The following ITGA3 variants were observed in gnomAD, a reference collection of about 807,000 sequenced individuals.
ITGA3 encodes integrin alpha-3.
Under a neutral mutation model 131.1 loss-of-function variants are expected in ITGA3, and 70 were observed. The observed-to-expected ratio is 0.53, with a 90% CI of 0.44 to 0.65. ITGA3 has a LOEUF of 0.65. Among genes scored for constraint, ITGA3 ranks in the 30% least tolerant of loss-of-function variants. The pLI is 0.00. For missense variants in ITGA3, 1,098 were observed against 1,388.6 expected (o/e 0.79, Z 3.33); for synonymous variants, 537 against 571.6 (o/e 0.94, Z 0.86).
intron 1 of ITGA3, among the ~76,000 whole-genome samples, chr17:50,059,708 G>T (rs1907987660): frequency 6.6e-6 from 1 of 152,204 alleles, no homozygotes; most frequent in Admixed American, 6.5e-5. Flanking sequence ...AGCGAAGGGG[G>T]CTTGGTCAGA....
At chr17:50,061,854 A>G (rs866673378) in intron 1 of ITGA3, among the ~76,000 whole-genome samples, 100 of 152,224 alleles carry the variant, frequency 6.6e-4, no homozygotes, top group African/African-American at 1.5e-3. Flanking sequence ...AGCCTGGCCA[A>G]TATGGCGAAA....
chr17:50,072,762 G>T (rs184784886), intron 7 of ITGA3, among the ~76,000 whole-genome samples: 172 of 152,244 alleles, frequency 1.1e-3, no homozygotes, highest in African/African-American at 4.0e-3. Context: ...TTAAGATCAA[G>T]AATGTAATAT....
chr17:50,074,809 T>A (rs1176357737), intron 10 of ITGA3, among the ~76,000 whole-genome samples: 3 of 152,154 alleles, frequency 2.0e-5, no homozygotes, highest in African/African-American at 7.2e-5. Flanking sequence ...GGGGTGGGGA[T>A]GGGCTCTGGA....
intron 18 of ITGA3, 92 bp from the exon 19 acceptor site, chr17:50,078,732 G>A (rs1909040026): frequency 4.1e-6 from 3 of 726,858 alleles, no homozygotes; most frequent in East Asian, 4.9e-5. Flanking sequence ...GATGTCAGAG[G>A]GGCTATAGTT....
In ITGA3 at chr17:50,080,275, G is replaced by C; in HGVS notation, c.2720G>C (p.Gly907Ala). 1 of 1,610,750 alleles carries C rather than the reference G, an allele frequency of 6.2e-7. No homozygotes were observed. Among genetic ancestry groups the C allele is most frequent in the Non-Finnish European group, 8.5e-7 (1 of 1,177,694 alleles). The change falls in exon 22 of 26, where the codon GGG (glycine) becomes GCG (alanine). Residue 907 changes from glycine to alanine, a missense_variant. Gly to Ala is a moderately conservative substitution (Grantham distance 60). This residue lies in a region of ITGA3 where 699 missense variants were observed against 829.2 expected (regional missense o/e 0.84). Transcript: ENST00000320031. ...TGCCCGCCTCAGACCTGTGCCACAG[G>C]GCGTGCCCACTGTGTGTGGCTAGAG... is the stretch of plus-strand genomic sequence containing the variant. ...KSETVLTCATGRAHCVWLECP... is the reference protein window; with the variant it reads ...KSETVLTCATARAHCVWLECP...
intron 1 of ITGA3, among the ~76,000 whole-genome samples, chr17:50,057,176 G>A (rs751457089): frequency 2.6e-5 from 4 of 152,190 alleles, no homozygotes; most frequent in Non-Finnish European, 5.9e-5. Context: ...GGTGAGTCTG[G>A]GCGTTTGGAG....
chr17:50,057,270 C>T (rs1403387180), intron 1 of ITGA3, among the ~76,000 whole-genome samples: 2 of 152,156 alleles, frequency 1.3e-5, no homozygotes, highest in African/African-American at 4.8e-5. Flanking sequence ...GCTGGGTCTC[C>T]TCCTGCCCAC....
At chr17:50,069,684 C>T (rs1466449266) in intron 4 of ITGA3, among the ~76,000 whole-genome samples, 7 of 152,004 alleles carry the variant, frequency 4.6e-5, no homozygotes, top group South Asian at 2.1e-4. Context: ...AAATAAATAT[C>T]GCTACTTTCT....
intron 7 of ITGA3, 104 bp downstream of exon 7, chr17:50,072,286 C>A: frequency 9.7e-7 from 1 of 1,028,406 alleles, no homozygotes; most frequent in Non-Finnish European, 1.5e-6. Context: ...ACAGGGCCCA[C>A]AGATGAGACA....
intron 22 of ITGA3, chr17:50,081,038 C>T: frequency 2.4e-6 from 1 of 418,570 alleles, no homozygotes; most frequent in Non-Finnish European, 4.3e-6. Context: ...GGTGCCAGTC[C>T]AGATTTAGCC....
At chr17:50,080,142 GA>G in intron 21 of ITGA3, 119 bp from the exon 22 acceptor site, 1 of 593,070 alleles carries the variant, frequency 1.7e-6, no homozygotes, top group Non-Finnish European at 3.0e-6. Flanking sequence ...AAGGAAGTCA[GA>G]CCCCTTTGGG....
At chr17:50,068,948 C>T (rs534974836) in intron 4 of ITGA3, among the ~76,000 whole-genome samples, 1 of 151,694 alleles carries the variant, frequency 6.6e-6, no homozygotes, top group Non-Finnish European at 1.5e-5. Flanking sequence ...CCAGGGTTCA[C>T]GCCATTCTCC....
intron 10 of ITGA3, among the ~76,000 whole-genome samples, chr17:50,074,960 G>A (rs1353009793): frequency 6.6e-6 from 1 of 152,182 alleles, no homozygotes; most frequent in Non-Finnish European, 1.5e-5. Context: ...AATTAAATGA[G>A]AAAATATACA....
chr17:50,076,777 C>A, intron 14 of ITGA3, 96 bp downstream of exon 14: 1 of 1,275,792 alleles, frequency 7.8e-7, no homozygotes, highest in Non-Finnish European at 1.1e-6. Context: ...CAAGGCGAGC[C>A]CAGGGACAGG....
Position 50,056,423 on chromosome 17 carries a change from C to T in ITGA3, c.-17C>T. Reference sequence around the variant, plus strand: ...CCCTCACGCGCTCTCGCCGGGACCCCGCTTCCGCTGGCAGCCATGGGCCCC... The same window carrying T: ...CCCTCACGCGCTCTCGCCGGGACCCTGCTTCCGCTGGCAGCCATGGGCCCC... On this transcript the variant is annotated 5_prime_UTR_variant, in exon 1 of 26. Transcript: ENST00000320031. The surrounding 1 kb of genome is among the most constrained non-coding windows in gnomAD (Gnocchi z 5.6). The T allele has an allele frequency of 6.8e-7, 1 of 1,465,674 alleles. No individual in the cohort carries two copies. The highest frequency in any genetic ancestry group is 9.0e-7 in the Non-Finnish European group (1 of 1,112,740). The allele number at this position is 1,465,674 out of a possible 1,614,324, so 90.8% of individuals were successfully genotyped here.
At position 50,056,583 on chromosome 17, in the gene ITGA3, G is replaced by A. The variant is rs1471575304; in HGVS notation, c.144G>A (p.Pro48=). Residue 48 remains proline, a synonymous_variant, in exon 1 of 26, where the codon CCG becomes CCA. Coordinates refer to ENST00000320031, the MANE Select transcript of ITGA3 (RefSeq NM_002204.4). The surrounding 1 kb of genome is among the most constrained non-coding windows in gnomAD (Gnocchi z 5.6). ...TGGTAGTGAAGGAGGCCGGGAACCC[G>A]GGCAGCCTCTTCGGCTACTCGGTCG... ...RFLVVKEAGN[P]GSLFGYSVAL... 1.9e-6 allele frequency: 3 copies of A among 1,591,256 alleles called. No individual in the cohort carries two copies. Among genetic ancestry groups the A allele is most frequent in the East Asian group, 2.3e-5 (1 of 43,590 alleles).
At position 50,068,858 on chromosome 17, in the gene ITGA3, ATTTT is replaced by A. The variant is rs1161064944; in HGVS notation, c.664+557_664+560del. Among the ~76,000 whole-genome samples, 201 of 98,432 alleles carry A rather than the reference ATTTT, an allele frequency of 2.0e-3. 1 individual carries two copies. Among genetic ancestry groups the A allele is most frequent in the African/African-American group, 6.1e-3 (182 of 29,628 alleles). 64.6% of individuals were successfully genotyped at this position (98,432 alleles called of 152,430 possible). A position where few individuals can be genotyped will look rare whatever the true frequency, so the allele number is the denominator to read the frequency against. On this transcript the variant is annotated intron_variant, in intron 4 of 25. Transcript: ENST00000320031. The stretch of plus-strand genomic sequence containing the variant: ...TATTTATTTATTTATTTATTTATTT[ATTTT>A]TTTGAGACAGAGTCTCACTCTGTCA...
rs1289230874 is a variant in ITGA3 at position 50,088,299 on chromosome 17, GC to G, written c.3122del (p.Pro1041ArgfsTer7). On this transcript the variant is annotated frameshift_variant, in exon 25 of 26. Transcript: ENST00000320031. LOFTEE classifies it high-confidence loss of function. The part of the protein sequence containing the change: ...KRQKAEMKSQ[P>X]SETERLTDDY Reference sequence around the variant, plus strand: ...GGCAGAAGGCGGAGATGAAGAGCCAGCCGTCAGAGACAGAGAGGCTGACCGA... The same window carrying G: ...GGCAGAAGGCGGAGATGAAGAGCCAGCGTCAGAGACAGAGAGGCTGACCGA... 2 of 1,588,576 alleles carry G rather than the reference GC, an allele frequency of 1.3e-6. No homozygotes were observed. The highest frequency in any genetic ancestry group is 1.7e-6 in the Non-Finnish European group (2 of 1,167,780).
chr17:50,071,565 G>T, intron 6 of ITGA3, 47 bp downstream of exon 6: 1 of 1,520,144 alleles, frequency 6.6e-7, no homozygotes, highest in East Asian at 2.3e-5. Context: ...GCGATGGGCG[G>T]GGGAAGGCTT....
Sources: allele counts gnomAD v4.1 joint callset (sites outside exome capture counted in the v4.1 genomes callset), GRCh38; gene constraint gnomAD v4.1.1; regional missense constraint gnomAD v4.1.1; non-coding constraint Gnocchi (gnomAD v3.1); transcripts MANE v1.5; gene names NCBI Gene and HGNC (gene_info 2026-07-23, HGNC 2026-07-21).